The following LRRC8D variants were observed in gnomAD, a reference collection of about 807,000 sequenced individuals.
LRRC8D encodes the protein leucine rich repeat containing 8 VRAC subunit D.
In LRRC8D, 20 loss-of-function variants were observed where a neutral mutation model predicts 55.8. The observed-to-expected ratio is 0.36, with a 90% CI of 0.25 to 0.52. The LOEUF is 0.52. LRRC8D is among the 20% of genes least tolerant of loss of function. The pLI, the probability that LRRC8D is intolerant of heterozygous loss-of-function variation, is 0.93. For synonymous variants in LRRC8D, 352 were observed against 377.0 expected, an observed-to-expected ratio of 0.93 and a Z score of 0.77; for missense variants, 651 against 1,030.8, an observed-to-expected ratio of 0.63 and a Z score of 5.05.
At chr1:89,901,642 A>T (rs1274984006) in intron 2 of LRRC8D, among the ~76,000 whole-genome samples, 3 of 152,226 alleles carry the variant, frequency 2.0e-5, no homozygotes, top group Non-Finnish European at 2.9e-5. Context: ...AGATTACCAG[A>T]TACGCAGACT....
intron 2 of LRRC8D, among the ~76,000 whole-genome samples, chr1:89,917,885 G>C (rs1312139516): frequency 6.6e-6 from 1 of 152,146 alleles, no homozygotes; most frequent in African/African-American, 2.4e-5. Context: ...TGTACCTCTT[G>C]TTGGTAGCTC....
intron 1 of LRRC8D, among the ~76,000 whole-genome samples, chr1:89,837,861 T>G (rs1661035767): frequency 6.6e-6 from 1 of 152,228 alleles, no homozygotes; most frequent in Non-Finnish European, 1.5e-5. Flanking sequence ...CCTTAAATTA[T>G]TCATGAATTG....
rs1663790191 is a variant in LRRC8D at position 89,934,619 on chromosome 1, G to A, written c.1551G>A (p.Glu517=). Residue 517 remains glutamate (E), a synonymous_variant, in exon 3 of 3, where the codon GAG becomes GAA. Transcript: ENST00000337338. The surrounding 1 kb of genome is among the most constrained non-coding windows in gnomAD (Gnocchi z 5.9). ...AKISQMTNLQ[E]LHLCHCPAKV... is the part of the protein sequence containing the mutation. ...TTTCTCAAATGACTAACCTCCAAGA[G>A]CTCCACCTCTGCCACTGCCCTGCAA... 1 of 1,613,992 alleles carries A rather than the reference G, an allele frequency of 6.2e-7. No individual in the cohort carries two copies. The highest frequency in any genetic ancestry group is 1.1e-5 in the South Asian group (1 of 91,076).
chr1:89,854,381 A>ATT lies in LRRC8D; in HGVS notation c.-3+10609_-3+10610dup, dbSNP rs11379936. On this transcript the variant is annotated intron_variant, in intron 2 of 2. Transcript: ENST00000337338. ...AGTGGTGGTTAGGTGCTGACGGAGG[A>ATT]TTTTTTTTTTTCTGTTTGATAGAGT... is the stretch of plus-strand genomic sequence containing the variant. Among the ~76,000 whole-genome samples the ATT allele has an allele frequency of 2.2e-3, 335 of 149,612 alleles. 1 individual carries two copies. The highest frequency in any genetic ancestry group is 6.9e-3 in the Middle Eastern group (2 of 288).
At chr1:89,883,118 CAG>C (rs1662325347) in intron 2 of LRRC8D, among the ~76,000 whole-genome samples, 1 of 152,018 alleles carries the variant, frequency 6.6e-6, no homozygotes, top group African/African-American at 2.4e-5. Context: ...CCCTTGAGGC[CAG>C]GAGTTTGAGG....
intron 2 of LRRC8D, among the ~76,000 whole-genome samples, chr1:89,857,903 G>A (rs1458694983): frequency 1.3e-5 from 2 of 152,192 alleles, no homozygotes; most frequent in African/African-American, 4.8e-5. Context: ...AAAAAATAAT[G>A]AGTAGGATTA....
At chr1:89,905,946 A>T (rs559802635) in intron 2 of LRRC8D, among the ~76,000 whole-genome samples, 1 of 152,234 alleles carries the variant, frequency 6.6e-6, no homozygotes, top group African/African-American at 2.4e-5. Flanking sequence ...CTTCAAAGGT[A>T]GCTGAGACCT....
chr1:89,883,983 T>G (rs1434659775), intron 2 of LRRC8D, among the ~76,000 whole-genome samples: 2 of 152,244 alleles, frequency 1.3e-5, no homozygotes, highest in Admixed American at 6.5e-5. Flanking sequence ...GTGGGTACTT[T>G]GATCCATTTA....
intron 1 of LRRC8D, among the ~76,000 whole-genome samples, chr1:89,840,421 G>A (rs971003659): frequency 6.6e-6 from 1 of 152,212 alleles, no homozygotes; most frequent in Non-Finnish European, 1.5e-5. Context: ...GTCGTACAGA[G>A]TGAATGTTAA....
At position 89,933,703 on chromosome 1, in the gene LRRC8D, C is replaced by T. The variant is rs1220999242; in HGVS notation, c.635C>T (p.Ala212Val). The change falls in exon 3 of 3, where the codon GCG becomes GTG. Residue 212 changes from alanine to valine, a missense_variant. By Grantham distance (64) the Ala-to-Val change is moderately conservative (BLOSUM62 0). This residue lies in a region of LRRC8D where 178 missense variants were observed against 374.9 expected (regional missense o/e 0.47). Coordinates refer to ENST00000337338, the MANE Select transcript of LRRC8D (RefSeq NM_001134479.2). The surrounding 1 kb of genome is among the most constrained non-coding windows in gnomAD (Gnocchi z 7.0). The stretch of plus-strand genomic sequence containing the variant: ...TTTGAATCCCCTTGGACGACAAAAG[C>T]GTTGTCTGAGACAGCATGCGAAGAC... The part of the protein sequence containing the change: ...KCFESPWTTK[A>V]LSETACEDSE... The T allele has an allele frequency of 1.2e-6, 2 of 1,613,948 alleles. No individual in the cohort carries two copies. Among genetic ancestry groups the T allele is most frequent in the Admixed American group, 1.7e-5 (1 of 59,980 alleles).
At chr1:89,886,772 A>G (rs1662431115) in intron 2 of LRRC8D, among the ~76,000 whole-genome samples, 1 of 152,164 alleles carries the variant, frequency 6.6e-6, no homozygotes, top group African/African-American at 2.4e-5. Context: ...TTATTCATGC[A>G]AAGAGTGGAG....
At chr1:89,836,367 G>C (rs1661005926) in intron 1 of LRRC8D, among the ~76,000 whole-genome samples, 1 of 152,222 alleles carries the variant, frequency 6.6e-6, no homozygotes, top group Non-Finnish European at 1.5e-5. Flanking sequence ...GTTTTAGCTT[G>C]CTTCTCTCTG....
chr1:89,854,645 C>T (rs1322131438), intron 2 of LRRC8D, among the ~76,000 whole-genome samples: 1 of 152,176 alleles, frequency 6.6e-6, no homozygotes, highest in Non-Finnish European at 1.5e-5. Flanking sequence ...TCTTCTGTAG[C>T]TCTCAGAACT....
intron 1 of LRRC8D, among the ~76,000 whole-genome samples, chr1:89,835,863 T>C (rs1660994376): frequency 6.6e-6 from 1 of 152,210 alleles, no homozygotes; most frequent in South Asian, 2.1e-4. Flanking sequence ...CTTGCCTGCA[T>C]TGCTCGCGTA....
At position 89,821,149 on chromosome 1, in the gene LRRC8D, CG is replaced by C. The variant is rs1282100049; in HGVS notation, c.-286del. 2 of 152,012 alleles carry C rather than the reference CG, an allele frequency of 1.3e-5. No homozygotes were observed. Among genetic ancestry groups the C allele is most frequent in the Non-Finnish European group, 2.9e-5 (2 of 67,850 alleles). 9.4% of individuals were successfully genotyped at this position (152,012 alleles called of 1,614,324 possible). A position where few individuals can be genotyped will look rare whatever the true frequency, so the allele number is the denominator to read the frequency against. The stretch of plus-strand genomic sequence containing the variant: ...CGCGCTTCGAGGTGGCAGCCGCGGG[CG>C]GGGCCGCGGGAGCAGGGTCCAGGGT... On this transcript the variant is annotated 5_prime_UTR_variant, in exon 1 of 3. It introduces an in-frame stop codon into an upstream open reading frame of the 5' UTR. Transcript: ENST00000337338.
chr1:89,935,084 A>T lies in LRRC8D; in HGVS notation c.2016A>T (p.Thr672=). 6.2e-7 allele frequency: 1 copy of T among 1,614,222 alleles called. No individual in the cohort carries two copies. ...ELDLKSNNIR[T]IEEIISFQHL... is the part of the protein sequence containing the mutation. ...ATTTAAAGTCCAATAACATTCGCAC[A>T]ATTGAGGAAATCATCAGTTTCCAGC... Residue 672 remains threonine, a synonymous_variant, in exon 3 of 3, where the codon ACA becomes ACT. Coordinates refer to ENST00000337338, the MANE Select transcript of LRRC8D (RefSeq NM_001134479.2).
At position 89,934,822 on chromosome 1, in the gene LRRC8D, G is replaced by T. The variant is rs781655773; in HGVS notation, c.1754G>T (p.Arg585Leu). ...AAGATGATAGGACTTGAATCTCTCC[G>T]AGAGTTGCGGCACCTTAAGATTCTC... ...NNKMIGLESL[R>L]ELRHLKILHV... Residue 585 changes from arginine to leucine, a missense_variant, in exon 3 of 3, where the codon CGA (arginine) becomes CTA (leucine). Arg to Leu is a moderately radical substitution (Grantham distance 102). Transcript: ENST00000337338. This position sits in a 1 kb window ranked among gnomAD's most constrained non-coding sequence, Gnocchi z 5.9. The T allele has an allele frequency of 1.2e-6, 2 of 1,614,142 alleles. No individual in the cohort carries two copies. Among genetic ancestry groups the T allele is most frequent in the Admixed American group, 3.3e-5 (2 of 60,018 alleles).
intron 2 of LRRC8D, among the ~76,000 whole-genome samples, chr1:89,929,540 C>T (rs965962361): frequency 6.6e-6 from 1 of 152,212 alleles, no homozygotes; most frequent in African/African-American, 2.4e-5. Context: ...CCTCAGTACA[C>T]TGACTTTCAA....
intron 1 of LRRC8D, among the ~76,000 whole-genome samples, chr1:89,825,264 TA>T (rs1478768650): frequency 5.3e-5 from 8 of 152,258 alleles, no homozygotes; most frequent in Non-Finnish European, 1.5e-5. Context: ...GTTCTAGGGC[TA>T]ATTAGCCCTT....
Sources: allele counts gnomAD v4.1 joint callset (sites outside exome capture counted in the v4.1 genomes callset), GRCh38; gene constraint gnomAD v4.1.1; regional missense constraint gnomAD v4.1.1; non-coding constraint Gnocchi (gnomAD v3.1); transcripts MANE v1.5; gene names NCBI Gene and HGNC (gene_info 2026-07-23, HGNC 2026-07-21).